ANO4: variants seen among roughly 807,000 people sequenced by gnomAD.
ANO4 encodes the protein anoctamin-4.
ANO4 carries 69 observed loss-of-function variants against 141.9 expected under a neutral mutation model. The ratio of observed to expected loss-of-function variants is 0.49; its 90% CI spans 0.40 to 0.59. The LOEUF is 0.59. Among genes scored for constraint, ANO4 ranks in the 20% least tolerant of loss-of-function variants. ANO4 has a pLI of 0.00. For missense variants in ANO4, 894 were observed against 1,162.2 expected, an observed-to-expected ratio of 0.77 and a Z score of 3.36; for synonymous variants, 350 against 394.3, an observed-to-expected ratio of 0.89 and a Z score of 1.33.
Position 100,729,255 on chromosome 12 carries a change from T to G in ANO4, c.23-4519T>G, listed in dbSNP as rs1302103407. 1.0e-4 allele frequency among the ~76,000 whole-genome samples: 15 copies of G among 150,308 alleles called. No individual in the cohort carries two copies. In the East Asian group the frequency reaches 2.5e-3, roughly 25 times the overall value. On this transcript the variant is annotated intron_variant, in intron 1 of 29. Transcript: ENST00000644049. ...GGGATTCCATCTTATGGATATCCTG[T>G]TTCTTATAAGTATGAAATAAAAATA...
chr12:101,085,822 T>G (rs1412130979), intron 16 of ANO4, among the ~76,000 whole-genome samples: 1 of 152,154 alleles, frequency 6.6e-6, no homozygotes, highest in South Asian at 2.1e-4. Context: ...GTAATTATGC[T>G]AAGGTGCTGT....
intron 15 of ANO4, among the ~76,000 whole-genome samples, chr12:101,080,866 A>AGATATATATATAGATATAT (rs2049219759): frequency 4.4e-5 from 1 of 22,650 alleles, no homozygotes; most frequent in Non-Finnish European, 1.3e-4. Flanking sequence ...TAGGTTCTAG[A>AGATATATATATAGATATAT]TATATATATA....
Position 101,079,176 on chromosome 12 carries a change from T to G in ANO4, c.1313-17T>G. On this transcript the variant is annotated splice_polypyrimidine_tract_variant and intron_variant, in intron 14 of 27. Transcript: ENST00000392977. ...CTTTTATTCAAAAATGTCTTTGTCT[T>G]TCTCTGCTTGTTCCAGCAACAGTTT... 1 of 1,611,036 alleles carries G rather than the reference T, an allele frequency of 6.2e-7. No homozygotes were observed. The highest frequency in any genetic ancestry group is 8.5e-7 in the Non-Finnish European group (1 of 1,177,230).
At chr12:100,988,210 T>C (rs1027043644) in intron 8 of ANO4, among the ~76,000 whole-genome samples, 6 of 152,190 alleles carry the variant, frequency 3.9e-5, no homozygotes, top group African/African-American at 1.4e-4. Context: ...AATGGTTATT[T>C]GTCACTTTTG....
At chr12:101,010,766 C>T (rs1195003905) in intron 8 of ANO4, among the ~76,000 whole-genome samples, 1 of 152,104 alleles carries the variant, frequency 6.6e-6, no homozygotes, top group Non-Finnish European at 1.5e-5. Context: ...AGGCATTAAC[C>T]TTCCCTTATT....
At chr12:100,912,426 A>AG (rs1467941762) in intron 2 of ANO4, among the ~76,000 whole-genome samples, 1 of 150,040 alleles carries the variant, frequency 6.7e-6, no homozygotes, top group Non-Finnish European at 1.5e-5. Flanking sequence ...AGAAAAAAAA[A>AG]AAAAAGCTGA....
chr12:101,044,997 A>AT (rs35550760), intron 13 of ANO4, among the ~76,000 whole-genome samples: 25,856 of 119,332 alleles, frequency 0.22, 2,446 homozygotes, highest in Admixed American at 0.29. Context: ...TCAGAAGCCA[A>AT]TTTTTTTTTT....
chr12:100,813,196 C>T (rs118183621), intron 1 of ANO4, among the ~76,000 whole-genome samples: 1 of 152,276 alleles, frequency 6.6e-6, no homozygotes, highest in East Asian at 1.9e-4. Flanking sequence ...ACCTGAATAG[C>T]AGGTTGCCCT....
At chr12:100,873,022 T>G (rs1363311160) in intron 1 of ANO4, among the ~76,000 whole-genome samples, 2 of 152,210 alleles carry the variant, frequency 1.3e-5, no homozygotes, top group Non-Finnish European at 2.9e-5. Context: ...TTCTTCCTCC[T>G]TCTTTGGCCA....
At chr12:101,035,330 A>C (rs1256257994) in intron 9 of ANO4, among the ~76,000 whole-genome samples, 4 of 152,204 alleles carry the variant, frequency 2.6e-5, no homozygotes, top group Non-Finnish European at 5.9e-5. Flanking sequence ...ATTTCAAACT[A>C]ATTGATAGTG....
intron 8 of ANO4, among the ~76,000 whole-genome samples, chr12:100,992,706 C>T (rs374453022): frequency 4.6e-5 from 7 of 152,132 alleles, no homozygotes; most frequent in Non-Finnish European, 1.0e-4. Flanking sequence ...AGCCATAGGC[C>T]ATATCTGTTT....
At chr12:100,865,250 A>T (rs1278924984) in intron 1 of ANO4, among the ~76,000 whole-genome samples, 1 of 152,182 alleles carries the variant, frequency 6.6e-6, no homozygotes, top group African/African-American at 2.4e-5. Flanking sequence ...TCCTGCCAAC[A>T]GTGTAAAAGT....
chr12:100,733,241 T>C (rs1054405029), intron 1 of ANO4, among the ~76,000 whole-genome samples: 1 of 152,192 alleles, frequency 6.6e-6, no homozygotes, highest in Admixed American at 6.5e-5. Context: ...CTTCTCTTAC[T>C]GCATTCAGCT....
At chr12:100,828,359 C>T (rs1409116821) in intron 1 of ANO4, among the ~76,000 whole-genome samples, 1 of 152,054 alleles carries the variant, frequency 6.6e-6, no homozygotes, top group African/African-American at 2.4e-5. Context: ...GGCAGTGACT[C>T]ATGCGGGGAG....
At chr12:100,766,956 A>C (rs2033113253) in intron 3 of ANO4, among the ~76,000 whole-genome samples, 1 of 152,136 alleles carries the variant, frequency 6.6e-6, no homozygotes, top group African/African-American at 2.4e-5. Flanking sequence ...CTTTATCATC[A>C]TATAATCATC....
chr12:100,907,467 G>A (rs200837075), intron 2 of ANO4, among the ~76,000 whole-genome samples: 3 of 152,270 alleles, frequency 2.0e-5, no homozygotes, highest in East Asian at 3.9e-4. Flanking sequence ...GAACTTAGAA[G>A]CCTTATCAAA....
At chr12:101,081,022 A>AGTGTGTGT (rs139769612) in intron 15 of ANO4, among the ~76,000 whole-genome samples, 3,046 of 141,278 alleles carry the variant, frequency 0.022, 120 homozygotes, top group African/African-American at 0.072. Flanking sequence ...TATGTATGTG[A>AGTGTGTGT]GTGTGTGTAT....
intron 2 of ANO4, among the ~76,000 whole-genome samples, chr12:100,910,565 A>T (rs887678991): frequency 1.3e-5 from 2 of 152,144 alleles, no homozygotes; most frequent in African/African-American, 4.8e-5. Context: ...AAATGGTACT[A>T]GGTTTGGGAC....
At chr12:100,776,256 C>G (rs1179656748) in intron 3 of ANO4, among the ~76,000 whole-genome samples, 2 of 152,152 alleles carry the variant, frequency 1.3e-5, no homozygotes, top group African/African-American at 4.8e-5. Flanking sequence ...TGTCCTATGT[C>G]CTGGATGCCC....
Sources: gnomAD v4.1 joint callset for allele counts (sites outside exome capture counted in the v4.1 genomes callset) on GRCh38, gnomAD v4.1.1 for gene constraint, MANE v1.5 for transcripts, NCBI Gene and HGNC (gene_info 2026-07-23, HGNC 2026-07-21) for gene names.